P4HTM: variants seen among roughly 807,000 people sequenced by gnomAD.
The protein encoded by P4HTM is prolyl 4-hydroxylase, transmembrane, also known as transmembrane prolyl 4-hydroxylase.
Under a neutral mutation model 55.3 loss-of-function variants are expected in P4HTM, and 33 were observed. That is an observed-to-expected ratio of 0.60 (90% confidence interval 0.45 to 0.80). The LOEUF is 0.80. P4HTM is among the 30% of genes least tolerant of loss of function. The pLI is 0.00. For synonymous variants in P4HTM, 272 were observed against 286.4 expected (o/e 0.95, Z 0.51); for missense variants, 542 against 696.5 (o/e 0.78, Z 2.50).
rs2092928802 is a variant in P4HTM at position 48,990,741 on chromosome 3, G to T, written c.355-92G>T. 1.0e-5 allele frequency: 15 copies of T among 1,501,488 alleles called. No homozygotes were observed. Among genetic ancestry groups the T allele is most frequent in the African/African-American group, 1.4e-5 (1 of 72,146 alleles). The allele number at this position is 1,501,488 out of a possible 1,614,324, so 93.0% of individuals were successfully genotyped here. A position where few individuals can be genotyped will look rare whatever the true frequency, so the allele number is the denominator to read the frequency against. ...CGGTCCCGCGCGCTCCCACTCACTC[G>T]CCTGCTGTCGCTCTCCGGGCCGGGG... On this transcript the variant is annotated intron_variant, in intron 1 of 8. Coordinates refer to ENST00000383729, the MANE Select transcript of P4HTM (RefSeq NM_177939.3). This position sits in a 1 kb window ranked among gnomAD's most constrained non-coding sequence, Gnocchi z 7.2.
rs916563645 is a variant in P4HTM, at chr3:49,007,021, C to A, written c.*114C>A. The A allele has an allele frequency of 1.0e-5, 9 of 861,772 alleles. No homozygotes were observed. The highest frequency in any genetic ancestry group is 4.7e-5 in the Admixed American group (2 of 42,496). 53.4% of individuals were successfully genotyped at this position (861,772 alleles called of 1,614,324 possible). ...AGGTCTGGCCAATGTCTTGCCCCAC[C>A]CCGCCAGCCGCGATACGGCGCAGTT... On this transcript the variant is annotated 3_prime_UTR_variant, in exon 9 of 9. Transcript: ENST00000383729. The surrounding 1 kb of genome is among the most constrained non-coding windows in gnomAD (Gnocchi z 5.1).
In P4HTM at chr3:48,990,727, G is replaced by T. The variant is rs955494046; in HGVS notation, c.355-106G>T. ...GCGCTGCTCTGCGTCGGTCCCGCGCGCTCCCACTCACTCGCCTGCTGTCGC... is the reference window on the plus strand; with the variant it reads ...GCGCTGCTCTGCGTCGGTCCCGCGCTCTCCCACTCACTCGCCTGCTGTCGC... On this transcript the variant is annotated intron_variant, in intron 1 of 8. Coordinates refer to ENST00000383729, the MANE Select transcript of P4HTM (RefSeq NM_177939.3). This position sits in a 1 kb window ranked among gnomAD's most constrained non-coding sequence, Gnocchi z 7.2. The T allele has an allele frequency of 1.4e-6, 2 of 1,478,602 alleles. No homozygotes were observed. Among genetic ancestry groups the T allele is most frequent in the African/African-American group, 1.4e-5 (1 of 71,632 alleles). The allele number at this position is 1,478,602 out of a possible 1,614,324, so 91.6% of individuals were successfully genotyped here.
chr3:49,005,732 G>C, intron 6 of P4HTM, 45 bp from the exon 7 acceptor site: 1 of 1,555,728 alleles, frequency 6.4e-7, no homozygotes, highest in Non-Finnish European at 8.7e-7. Context: ...GCCCCTGGGA[G>C]CATCCACAAC....
upstream of P4HTM, chr3:48,990,098 C>A: frequency 1.7e-6 from 1 of 602,832 alleles, no homozygotes; most frequent in Non-Finnish European, 2.1e-6. This position sits in a 1 kb window ranked among gnomAD's most constrained non-coding sequence, Gnocchi z 7.2. Context: ...AAGGCCGAGC[C>A]CGGCGCGGAC....
At chr3:48,993,785 C>G (rs1251958526) in intron 2 of P4HTM, among the ~76,000 whole-genome samples, 1 of 150,026 alleles carries the variant, frequency 6.7e-6, no homozygotes, top group Non-Finnish European at 1.5e-5. Flanking sequence ...TTGCTTGAAC[C>G]CGGGAGGCAG....
rs2092965374 is a variant in P4HTM, at chr3:49,002,762, C to T, written c.724+166C>T. 2.8e-6 allele frequency: 2 copies of T among 705,268 alleles called. No homozygotes were observed. Among genetic ancestry groups the T allele is most frequent in the South Asian group, 3.0e-5 (2 of 67,462 alleles). The allele number at this position is 705,268 out of a possible 1,614,324, so 43.7% of individuals were successfully genotyped here. On this transcript the variant is annotated intron_variant, in intron 4 of 8. Transcript: ENST00000383729. The surrounding 1 kb of genome is among the most constrained non-coding windows in gnomAD (Gnocchi z 4.4). ...GAAGATCCAGCCTTGCTTTTTACCCCTGGGAAGTAGGCAGGCAGCCAGGCC... is the reference window on the plus strand; with the variant it reads ...GAAGATCCAGCCTTGCTTTTTACCCTTGGGAAGTAGGCAGGCAGCCAGGCC...
intron 5 of P4HTM, 67 bp downstream of exon 5, chr3:49,004,327 C>T: frequency 7.0e-7 from 1 of 1,420,430 alleles, no homozygotes; most frequent in Non-Finnish European, 9.4e-7. Context: ...CACAGAAGTC[C>T]TTGTCTGGGG....
At chr3:48,996,232 G>A (rs2092945143) in intron 2 of P4HTM, 1 of 152,198 alleles carries the variant, frequency 6.6e-6, no homozygotes, top group African/African-American at 2.4e-5. Flanking sequence ...CAAAAGTAGA[G>A]AAACAATTTT....
intron 4 of P4HTM, 51 bp from the exon 5 acceptor site, chr3:49,004,047 T>G (rs2092969258): frequency 7.2e-6 from 11 of 1,517,826 alleles, no homozygotes; most frequent in Non-Finnish European, 9.8e-6. Context: ...CCTGCCACTG[T>G]TGCCTCCCAA....
chr3:48,990,267 C>T lies in P4HTM; in HGVS notation c.11C>T (p.Ala4Val). 2 of 1,215,458 alleles carry T rather than the reference C, an allele frequency of 1.6e-6. No individual in the cohort carries two copies. The highest frequency in any genetic ancestry group is 4.0e-5 in the South Asian group (1 of 25,088). 75.3% of individuals were successfully genotyped at this position (1,215,458 alleles called of 1,614,324 possible). The change falls in exon 1 of 9, where the codon GCG (alanine) becomes GTG (valine). Residue 4 changes from alanine to valine, a missense_variant. Ala to Val is a moderately conservative substitution (Grantham distance 64). Around this residue, in one of 2 missense-constraint regions of P4HTM, gnomAD observed 6 missense variants for 24.4 expected, o/e 0.25. Coordinates refer to ENST00000383729, the MANE Select transcript of P4HTM (RefSeq NM_177939.3). The surrounding 1 kb of genome is among the most constrained non-coding windows in gnomAD (Gnocchi z 7.2). ...CGCGACCTGGGTGCCATGGCGGCAG[C>T]GGCGGTGACAGGCCAGCGGCCTGAG... MAAAAVTGQRPETA... is the reference protein window; with the variant it reads MAAVAVTGQRPETA...
At chr3:49,000,153 A>G (rs2092957092) in intron 2 of P4HTM, among the ~76,000 whole-genome samples, 1 of 152,128 alleles carries the variant, frequency 6.6e-6, no homozygotes, top group Non-Finnish European at 1.5e-5. Flanking sequence ...CTGGCCTCCT[A>G]GGGTAAGTAT....
At chr3:49,005,451 C>A in intron 6 of P4HTM, 2 of 1,374,638 alleles carry the variant, frequency 1.5e-6, no homozygotes, top group Non-Finnish European at 1.9e-6. Context: ...CTGGCCCAGC[C>A]CCTTCCCATC....
intron 2 of P4HTM, among the ~76,000 whole-genome samples, chr3:48,992,550 G>A (rs1348086971): frequency 1.3e-5 from 2 of 150,322 alleles, no homozygotes; most frequent in African/African-American, 2.4e-5. Context: ...AGGTTGCAGT[G>A]AGCCAAGATC....
chr3:48,993,163 G>A (rs1057482440), intron 2 of P4HTM, among the ~76,000 whole-genome samples: 17 of 152,048 alleles, frequency 1.1e-4, no homozygotes, highest in African/African-American at 3.4e-4. Flanking sequence ...TTAGCAGGGC[G>A]TTGTGGCACA....
In P4HTM at chr3:48,990,957, T is replaced by C; in HGVS notation, c.436+43T>C. 1 of 1,495,474 alleles carries C rather than the reference T, an allele frequency of 6.7e-7. No homozygotes were observed. The highest frequency in any genetic ancestry group is 9.3e-7 in the Non-Finnish European group (1 of 1,075,610). 92.6% of individuals were successfully genotyped at this position (1,495,474 alleles called of 1,614,324 possible). The stretch of plus-strand genomic sequence containing the variant: ...TCCTGGGAAGGGCCAGGGGCTGCGG[T>C]TTGGTGGCCACCTTGAGGCTCGTTG... On this transcript the variant is annotated intron_variant, in intron 2 of 8. Coordinates refer to ENST00000383729, the MANE Select transcript of P4HTM (RefSeq NM_177939.3). The surrounding 1 kb of genome is among the most constrained non-coding windows in gnomAD (Gnocchi z 7.2).
chr3:49,005,799 T>C lies in P4HTM; in HGVS notation c.1096T>C (p.Leu366=), dbSNP rs954451031. The change falls in exon 7 of 9, where the codon TTG becomes CTG. Residue 366 remains leucine (L), a synonymous_variant. Transcript: ENST00000383729. The stretch of plus-strand genomic sequence containing the variant: ...CAGCTACATGACAGTGCTGTTTTAT[T>C]TGAACAACGTCACTGGTGGGGGCGA... The part of the protein sequence containing the change: ...SCRYMTVLFY[L]NNVTGGGETV... 2 of 1,597,718 alleles carry C rather than the reference T, an allele frequency of 1.3e-6. No homozygotes were observed. The highest frequency in any genetic ancestry group is 1.8e-5 in the Admixed American group (1 of 56,780).
intron 2 of P4HTM, chr3:48,998,023 G>C (rs2092950681): frequency 6.6e-6 from 1 of 152,288 alleles, no homozygotes; most frequent in African/African-American, 2.4e-5. Context: ...AGGGGGTGGA[G>C]GGGGCTGATC....
At chr3:48,993,161 G>A (rs2092935728) in intron 2 of P4HTM, among the ~76,000 whole-genome samples, 1 of 152,066 alleles carries the variant, frequency 6.6e-6, no homozygotes, top group African/African-American at 2.4e-5. Context: ...CATTAGCAGG[G>A]CGTTGTGGCA....
Position 49,002,677 on chromosome 3 carries a change from C to A in P4HTM, c.724+81C>A. On this transcript the variant is annotated intron_variant, in intron 4 of 8. Coordinates refer to ENST00000383729, the MANE Select transcript of P4HTM (RefSeq NM_177939.3). The surrounding 1 kb of genome is among the most constrained non-coding windows in gnomAD (Gnocchi z 4.4). Reference sequence around the variant, plus strand: ...GTGCACAATTTTGAAAACTTGGGCCCTTCCCCCACAGCCAGGCAGCCTCTC... The same window carrying A: ...GTGCACAATTTTGAAAACTTGGGCCATTCCCCCACAGCCAGGCAGCCTCTC... 9.4e-7 allele frequency: 1 copy of A among 1,066,206 alleles called. No individual in the cohort carries two copies. The highest frequency in any genetic ancestry group is 1.5e-6 in the Non-Finnish European group (1 of 682,540). The allele number at this position is 1,066,206 out of a possible 1,614,324, so 66.0% of individuals were successfully genotyped here. A position where few individuals can be genotyped will look rare whatever the true frequency, so the allele number is the denominator to read the frequency against.
Sources: allele counts gnomAD v4.1 joint callset (sites outside exome capture counted in the v4.1 genomes callset), GRCh38; gene constraint gnomAD v4.1.1; regional missense constraint gnomAD v4.1.1; non-coding constraint Gnocchi (gnomAD v3.1); transcripts MANE v1.5; gene names NCBI Gene and HGNC (gene_info 2026-07-23, HGNC 2026-07-21).